Variants in AHCY observed in about 807,000 individuals in gnomAD.
The protein encoded by AHCY is S-adenosyl-L-homocysteine hydrolase.
AHCY carries 24 observed loss-of-function variants against 45.4 expected under a neutral mutation model. The ratio of observed to expected loss-of-function variants is 0.53; its 90% CI spans 0.38 to 0.74. The LOEUF (loss-of-function observed/expected upper bound fraction) is 0.74, where lower values mean the gene tolerates loss of function less well. AHCY is among the 30% of genes least tolerant of loss of function. The pLI is 0.00. For missense variants in AHCY, 449 were observed against 594.1 expected (o/e 0.76, Z 2.54); for synonymous variants, 245 against 235.1 (o/e 1.04, Z -0.39).
chr20:34,260,336 C>G, the AHCY span: 4 of 1,597,216 alleles, frequency 2.5e-6, no homozygotes, highest in South Asian at 4.5e-5. Context: ...CTGACCCACC[C>G]ACCTGACCAC....
chr20:34,271,977 A>T, the AHCY span, among the ~76,000 whole-genome samples: 1 of 152,140 alleles, frequency 6.6e-6, no homozygotes, highest in Non-Finnish European at 1.5e-5. Context: ...CTTGAGAGAA[A>T]AAAAGGTAGA....
At chr20:34,250,317 T>C in the AHCY span, among the ~76,000 whole-genome samples, 194 of 152,352 alleles carry the variant, frequency 1.3e-3, no homozygotes, top group Non-Finnish European at 2.2e-3. Flanking sequence ...CTGTTCACTG[T>C]CTTCAAGAAG....
chr20:34,269,946 T>TAAAAAAAAAAA, the AHCY span, among the ~76,000 whole-genome samples: 34 of 59,228 alleles, frequency 5.7e-4, no homozygotes, highest in African/African-American at 2.8e-3. Flanking sequence ...AACTCTGTCT[T>TAAAAAAAAAAA]AAAAAAAAAA....
At chr20:34,293,242 A>T (rs2122772619) in intron 3 of AHCY, among the ~76,000 whole-genome samples, 1 of 151,984 alleles carries the variant, frequency 6.6e-6, no homozygotes, top group African/African-American at 2.4e-5. Context: ...TAGACACCAG[A>T]ACTGAGGGCT....
chr20:34,255,703 G>T, the AHCY span, among the ~76,000 whole-genome samples: 1 of 152,182 alleles, frequency 6.6e-6, no homozygotes. Context: ...GAAGGGACAC[G>T]GTGAGCAAGT....
the AHCY span, among the ~76,000 whole-genome samples, chr20:34,266,875 A>G: frequency 1.3e-5 from 2 of 152,202 alleles, no homozygotes; most frequent in Non-Finnish European, 2.9e-5. Context: ...ACTTTGGGAA[A>G]TACTGGACTG....
At chr20:34,302,813 C>T (rs745773345) in intron 1 of AHCY, 1 of 1,022,896 alleles carries the variant, frequency 9.8e-7, no homozygotes, top group Admixed American at 5.9e-5. Flanking sequence ...GGGGTGCCCT[C>T]GCCGTCCCTG....
At chr20:34,269,187 C>G in the AHCY span, 2 of 1,484,186 alleles carry the variant, frequency 1.3e-6, no homozygotes, top group Non-Finnish European at 1.8e-6. Flanking sequence ...CTCCCGGCCG[C>G]GAGCAGGCAG....
the AHCY span, chr20:34,246,502 T>C: frequency 6.0e-6 from 8 of 1,330,944 alleles, no homozygotes; most frequent in South Asian, 8.3e-5. Flanking sequence ...TTGGGTCTCC[T>C]TTGCAATCAG....
intron 2 of AHCY, 108 bp from the exon 3 acceptor site, chr20:34,294,264 T>A (rs1235458628): frequency 1.0e-6 from 1 of 988,230 alleles, no homozygotes; most frequent in Non-Finnish European, 1.6e-6. Context: ...AGGCTTGGGA[T>A]CTAGGCACAG....
At chr20:34,256,854 C>T in the AHCY span, among the ~76,000 whole-genome samples, 1 of 152,106 alleles carries the variant, frequency 6.6e-6, no homozygotes, top group East Asian at 1.9e-4. Flanking sequence ...AATCACAGCT[C>T]ACTGTAGCCT....
chr20:34,265,461 C>T, the AHCY span, among the ~76,000 whole-genome samples: 2 of 151,970 alleles, frequency 1.3e-5, no homozygotes, highest in Non-Finnish European at 2.9e-5. Context: ...GATATCGAGG[C>T]TACAGTGACT....
exon 1 of AHCY, chr20:34,311,513 CG>C (rs1208128037): frequency 2.6e-5 from 4 of 152,492 alleles, no homozygotes; most frequent in Admixed American, 1.3e-4. Flanking sequence ...GTCCTGGGCG[CG>C]GAGGGGCGGA....
At chr20:34,246,201 G>A in the AHCY span, 20 of 1,418,428 alleles carry the variant, frequency 1.4e-5, no homozygotes, top group African/African-American at 1.4e-5. Context: ...GCCTTAGTAA[G>A]CTTTTGTGGT....
chr20:34,310,274 TG>T (rs1196818968), intron 1 of AHCY, among the ~76,000 whole-genome samples: 1 of 152,162 alleles, frequency 6.6e-6, no homozygotes, highest in Non-Finnish European at 1.5e-5. Context: ...TTGGCCAGGC[TG>T]GTCTTGAACG....
intron 1 of AHCY, among the ~76,000 whole-genome samples, chr20:34,300,006 G>A (rs1190621612): frequency 1.3e-5 from 2 of 152,162 alleles, no homozygotes; most frequent in East Asian, 3.9e-4. Context: ...CCAACATGGT[G>A]AAATCCCATC....
the AHCY span, among the ~76,000 whole-genome samples, chr20:34,249,301 T>TC: frequency 6.6e-6 from 1 of 151,512 alleles, no homozygotes; most frequent in African/African-American, 2.4e-5. Flanking sequence ...CGCATTCCCA[T>TC]CCCCCGCCCC....
At chr20:34,275,072 C>T in the AHCY span, among the ~76,000 whole-genome samples, 5 of 151,094 alleles carry the variant, frequency 3.3e-5, no homozygotes, top group Non-Finnish European at 7.4e-5. Flanking sequence ...GTCTTGGGGG[C>T]GAATCCAGTC....
chr20:34,299,757 T>C (rs1279567820), intron 1 of AHCY, among the ~76,000 whole-genome samples: 1 of 152,344 alleles, frequency 6.6e-6, no homozygotes, highest in African/African-American at 2.4e-5. Context: ...GAAACCACCA[T>C]TCAACCAGCT....
Sources: gnomAD v4.1 joint callset for allele counts (sites outside exome capture counted in the v4.1 genomes callset) on GRCh38, gnomAD v4.1.1 for gene constraint, MANE v1.5 for transcripts, NCBI Gene and HGNC (gene_info 2026-07-23, HGNC 2026-07-21) for gene names.